Variants in SLC26A4 observed in about 807,000 individuals in gnomAD.
SLC26A4 encodes solute carrier family 26 member 4.
A neutral mutation model predicts 90.4 loss-of-function variants in SLC26A4; 93 were observed. The ratio of observed to expected loss-of-function variants is 1.03; its 90% CI spans 0.87 to 1.22. The LOEUF is 1.22. SLC26A4 is among the 50% of genes most tolerant of loss of function. The probability of loss-of-function intolerance (pLI) is 0.00; values close to 1 mark genes in which losing one functional copy is unlikely to be tolerated. For missense variants in SLC26A4, 1,127 were observed against 946.2 expected (o/e 1.19, Z -2.51); for synonymous variants, 393 against 354.6 (o/e 1.11, Z -1.22).
intron 4 of SLC26A4, 26 bp downstream of exon 4, chr7:107,672,274 A>G (rs781371926): frequency 2.1e-6 from 3 of 1,421,664 alleles, no homozygotes; most frequent in Middle Eastern, 1.9e-4. Flanking sequence ...TTTTACAATT[A>G]TATTTGCTCA....
At chr7:107,691,770 A>T in intron 10 of SLC26A4, 1 of 1,032,828 alleles carries the variant, frequency 9.7e-7, no homozygotes, top group South Asian at 3.0e-5. Context: ...ATTTTTCTTA[A>T]TTTTTTATTT....
rs1161987786 is a variant in SLC26A4 at position 107,661,388 on chromosome 7, G to A, written c.-3-251G>A. The A allele has an allele frequency of 1.7e-6, 1 of 585,806 alleles. No individual in the cohort carries two copies. The highest frequency in any genetic ancestry group is 3.1e-6 in the Non-Finnish European group (1 of 327,602). 36.3% of individuals were successfully genotyped at this position (585,806 alleles called of 1,614,324 possible). On this transcript the variant is annotated intron_variant, in intron 1 of 20. Coordinates refer to ENST00000644269, the MANE Select transcript of SLC26A4 (RefSeq NM_000441.2). The surrounding 1 kb of genome is among the most constrained non-coding windows in gnomAD (Gnocchi z 5.1). ...GCAGGGGCTTACTCGCTTCAAGTTTGGGGAACCCCGGGCAGCGGGTGCAGG... is the reference window on the plus strand; with the variant it reads ...GCAGGGGCTTACTCGCTTCAAGTTTAGGGAACCCCGGGCAGCGGGTGCAGG...
intron 16 of SLC26A4, among the ~76,000 whole-genome samples, chr7:107,701,486 T>A (rs1249784363): frequency 6.6e-6 from 1 of 152,184 alleles, no homozygotes; most frequent in East Asian, 1.9e-4. Context: ...ACAAAATAAG[T>A]GCAAATTCAA....
At chr7:107,692,097 G>A (rs1201435476) in intron 10 of SLC26A4, 2 of 1,288,482 alleles carry the variant, frequency 1.6e-6, no homozygotes, top group Non-Finnish European at 1.0e-6. Flanking sequence ...CCCATGTAAA[G>A]TGACCTCCTT....
intron 6 of SLC26A4, among the ~76,000 whole-genome samples, chr7:107,677,681 C>G (rs572060265): frequency 1.3e-5 from 2 of 151,742 alleles, no homozygotes; most frequent in African/African-American, 4.8e-5. Flanking sequence ...TCATAGCTCA[C>G]TGCGACCTCC....
chr7:107,712,002 C>T (rs531986124), intron 19 of SLC26A4, among the ~76,000 whole-genome samples: 16 of 152,194 alleles, frequency 1.1e-4, no homozygotes, highest in African/African-American at 3.1e-4. Context: ...CCAAAATTGT[C>T]GTTGGTTTCC....
chr7:107,693,353 C>T (rs950342441), intron 10 of SLC26A4: 1 of 985,212 alleles, frequency 1.0e-6, no homozygotes, highest in African/African-American at 1.7e-5. Context: ...GCTGACCCAA[C>T]TATAATCTAA....
chr7:107,683,486 C>A lies in SLC26A4; in HGVS notation c.950C>A (p.Ala317Asp), dbSNP rs747252240. The change falls in exon 8 of 21, where the codon GCC becomes GAC. Residue 317 changes from alanine (A) to aspartate (D), a missense_variant. Transcript: ENST00000644269. ...TIIATAISYG[A>D]NLEKNYNAGI... is the part of the protein sequence containing the mutation. ...ATTGCTACTGCCATTTCATATGGAGCCAACCTGGAAAAAAATTACAATGCT... is the reference window on the plus strand; with the variant it reads ...ATTGCTACTGCCATTTCATATGGAGACAACCTGGAAAAAAATTACAATGCT... The A allele has an allele frequency of 2.9e-5, 46 of 1,613,710 alleles. No individual in the cohort carries two copies. Among genetic ancestry groups the A allele is most frequent in the African/African-American group, 1.1e-4 (8 of 74,886 alleles).
intron 3 of SLC26A4, among the ~76,000 whole-genome samples, chr7:107,670,373 C>G (rs1444336254): frequency 6.6e-6 from 1 of 152,028 alleles, no homozygotes; most frequent in Non-Finnish European, 1.5e-5. Flanking sequence ...TCCCAAAGTG[C>G]TGGGATTACA....
intron 3 of SLC26A4, among the ~76,000 whole-genome samples, chr7:107,670,599 A>G (rs1790839218): frequency 6.6e-6 from 1 of 152,200 alleles, no homozygotes; most frequent in Admixed American, 6.5e-5. Context: ...AGAATTACGA[A>G]GTATGAAGCA....
chr7:107,669,265 C>A (rs893715474), intron 3 of SLC26A4, among the ~76,000 whole-genome samples: 1 of 152,132 alleles, frequency 6.6e-6, no homozygotes, highest in Non-Finnish European at 1.5e-5. Flanking sequence ...CCCCAGATTT[C>A]TTTACAAATT....
chr7:107,712,945 A>G (rs900587974), intron 20 of SLC26A4, among the ~76,000 whole-genome samples: 7 of 152,196 alleles, frequency 4.6e-5, no homozygotes, highest in African/African-American at 7.2e-5. Flanking sequence ...AAATGAATAG[A>G]GGAAACTTCT....
intron 19 of SLC26A4, among the ~76,000 whole-genome samples, chr7:107,711,746 C>G (rs958089165): frequency 2.0e-5 from 3 of 152,092 alleles, no homozygotes; most frequent in African/African-American, 7.2e-5. Flanking sequence ...TCTTCCTATC[C>G]CTTTATTTTA....
chr7:107,675,050 C>G lies in SLC26A4; in HGVS notation c.706C>G (p.Leu236Val), dbSNP rs111033242. The G allele has an allele frequency of 1.5e-5, 24 of 1,613,992 alleles. No individual in the cohort carries two copies. In the Admixed American group the frequency reaches 1.8e-4, roughly 12 times the overall value. ...AAAFQVLVSQ[L>V]KIVLNVSTKN... ...TGCCTTCCAAGTGCTGGTCTCACAGCTAAAGATTGTCCTCAATGTTTCAAC... is the reference window on the plus strand; with the variant it reads ...TGCCTTCCAAGTGCTGGTCTCACAGGTAAAGATTGTCCTCAATGTTTCAAC... Residue 236 changes from leucine to valine, a missense_variant, in exon 6 of 21, where the codon CTA (leucine) becomes GTA (valine). Coordinates refer to ENST00000644269, the MANE Select transcript of SLC26A4 (RefSeq NM_000441.2).
rs137855317 is a variant in SLC26A4 at position 107,693,209 on chromosome 7, C to T, written c.1264-1194C>T. ...AGGGAGGGAAGTAGGATATCAGCTTCTCTGCTTAGTCAGGAGAAGGGAAAG... is the reference window on the plus strand; with the variant it reads ...AGGGAGGGAAGTAGGATATCAGCTTTTCTGCTTAGTCAGGAGAAGGGAAAG... On this transcript the variant is annotated intron_variant, in intron 10 of 20. Coordinates refer to ENST00000644269, the MANE Select transcript of SLC26A4 (RefSeq NM_000441.2). 1.6e-5 allele frequency: 12 copies of T among 731,442 alleles called. No homozygotes were observed. The East Asian group carries it at 1.6e-3, about 96-fold the overall frequency. The allele number at this position is 731,442 out of a possible 1,614,324, so 45.3% of individuals were successfully genotyped here.
At position 107,710,039 on chromosome 7, in the gene SLC26A4, G is replaced by A. The variant is rs1792137607; in HGVS notation, c.2090-15G>A. 1 of 1,610,822 alleles carries A rather than the reference G, an allele frequency of 6.2e-7. No individual in the cohort carries two copies. Among genetic ancestry groups the A allele is most frequent in the Non-Finnish European group, 8.5e-7 (1 of 1,177,192 alleles). ...TTCCTAGGAACTAACAAAACATTGT[G>A]TCTTTCTTTTGAAGATTATGTGATA... On this transcript the variant is annotated splice_polypyrimidine_tract_variant and intron_variant, in intron 18 of 20. Coordinates refer to ENST00000644269, the MANE Select transcript of SLC26A4 (RefSeq NM_000441.2).
chr7:107,699,969 C>T, intron 14 of SLC26A4, 114 bp from the exon 15 acceptor site: 1 of 728,206 alleles, frequency 1.4e-6, no homozygotes, highest in African/African-American at 1.7e-5. Flanking sequence ...TTGAGTGCTG[C>T]TACCCAGCTC....
At chr7:107,682,936 A>T (rs1452559981) in intron 6 of SLC26A4, among the ~76,000 whole-genome samples, 2 of 152,192 alleles carry the variant, frequency 1.3e-5, no homozygotes, top group East Asian at 3.8e-4. Flanking sequence ...AGAATGTAGA[A>T]ATCACCCAGT....
At chr7:107,704,115 A>G (rs1791973511) in intron 17 of SLC26A4, among the ~76,000 whole-genome samples, 1 of 152,178 alleles carries the variant, frequency 6.6e-6, no homozygotes, top group Non-Finnish European at 1.5e-5. Context: ...GTGCTGTGCT[A>G]TTGAGCGCTG....
Sources: allele counts gnomAD v4.1 joint callset (sites outside exome capture counted in the v4.1 genomes callset), GRCh38; gene constraint gnomAD v4.1.1; non-coding constraint Gnocchi (gnomAD v3.1); transcripts MANE v1.5; gene names NCBI Gene and HGNC (gene_info 2026-07-23, HGNC 2026-07-21).